Variants in PKHD1L1 observed in about 807,000 individuals in gnomAD.
The protein encoded by PKHD1L1 is fibrocystin-L.
A neutral mutation model predicts 462.9 loss-of-function variants in PKHD1L1; 434 were observed. The observed-to-expected ratio is 0.94, with a 90% CI of 0.87 to 1.02. The LOEUF is 1.02. Ranked by LOEUF, PKHD1L1 falls within the 50% of genes least tolerant of loss-of-function variation. The probability of loss-of-function intolerance (pLI) is 0.00; values close to 1 mark genes in which losing one functional copy is unlikely to be tolerated. For synonymous variants in PKHD1L1, 1,781 were observed against 1,750.0 expected (o/e 1.02, Z -0.44); for missense variants, 5,202 against 5,096.1 (o/e 1.02, Z -0.63).
At position 109,465,113 on chromosome 8, in the gene PKHD1L1, G is replaced by A. The variant is rs1817365951; in HGVS notation, c.8281G>A (p.Gly2761Arg). The change falls in exon 49 of 78, where the codon GGA becomes AGA. Residue 2761 changes from glycine to arginine, a missense_variant. Physicochemically the swap from Gly to Arg is moderately radical, Grantham distance 125. This residue lies in a region of PKHD1L1 where 4,497 missense variants were observed against 4,336.8 expected (regional missense o/e 1.04). Transcript: ENST00000378402. ...CVALGVTSIS[G>R]VCNDRCGGWS... ...AGCTTTGGGAGTGACATCCATCTCT[G>A]GAGTTTGTAATGACAGATGTGGGGG... The A allele has an allele frequency of 6.2e-7, 1 of 1,613,672 alleles. No individual in the cohort carries two copies. Among genetic ancestry groups the A allele is most frequent in the Admixed American group, 1.7e-5 (1 of 59,958 alleles).
chr8:109,487,838 A>G (rs1281138991), intron 59 of PKHD1L1, among the ~76,000 whole-genome samples: 2 of 148,970 alleles, frequency 1.3e-5, no homozygotes, highest in African/African-American at 5.0e-5. Flanking sequence ...CTATAGTGAG[A>G]CCCAGCCAAA....
At chr8:109,508,011 T>G (rs1490376322) in intron 69 of PKHD1L1, 86 bp from the exon 70 acceptor site, 1 of 1,489,220 alleles carries the variant, frequency 6.7e-7, no homozygotes, top group African/African-American at 1.4e-5. Context: ...CTTCTTAAAC[T>G]AGCATAACAA....
intron 9 of PKHD1L1, among the ~76,000 whole-genome samples, chr8:109,394,170 C>CA (rs146708536): frequency 0.054 from 3,447 of 63,652 alleles, 399 homozygotes; most frequent in African/African-American, 0.12. Flanking sequence ...GAGACTCTGT[C>CA]AAAAAAAAAA....
intron 9 of PKHD1L1, among the ~76,000 whole-genome samples, chr8:109,394,064 C>T (rs542126564): frequency 2.1e-4 from 31 of 150,718 alleles, no homozygotes; most frequent in Non-Finnish European, 3.1e-4. Flanking sequence ...GTCCCAGCTA[C>T]TCAGCAGGCT....
chr8:109,390,491 GA>G lies in PKHD1L1; in HGVS notation c.739del (p.Arg247GlyfsTer28). 6.9e-7 allele frequency: 1 copy of G among 1,443,174 alleles called. No homozygotes were observed. Among genetic ancestry groups the G allele is most frequent in the Non-Finnish European group, 9.4e-7 (1 of 1,069,290 alleles). 89.4% of individuals were successfully genotyped at this position (1,443,174 alleles called of 1,614,324 possible). A position where few individuals can be genotyped will look rare whatever the true frequency, so the allele number is the denominator to read the frequency against. On this transcript the variant is annotated frameshift_variant and splice_region_variant, in exon 9 of 78. Coordinates refer to ENST00000378402, the MANE Select transcript of PKHD1L1 (RefSeq NM_177531.6). LOFTEE classifies it high-confidence loss of function. The part of the protein sequence containing the change: ...NVSFILDNDY[G>X]RSFPQKMAYF... ...AGCTTCATCTTAGATAATGATTATGGAAGGTAGGCTATTTTGTAAATAATAA... is the reference window on the plus strand; with the variant it reads ...AGCTTCATCTTAGATAATGATTATGGAGGTAGGCTATTTTGTAAATAATAA...
intron 62 of PKHD1L1, 99 bp downstream of exon 62, chr8:109,492,093 T>G: frequency 1.0e-6 from 1 of 992,004 alleles, no homozygotes; most frequent in Admixed American, 3.5e-5. Flanking sequence ...AATGCACTTT[T>G]AAAAAGATGA....
Position 109,444,828 on chromosome 8 carries a change from G to A in PKHD1L1, c.4959G>A (p.Arg1653=). 6.2e-7 allele frequency: 1 copy of A among 1,613,942 alleles called. No individual in the cohort carries two copies. The highest frequency in any genetic ancestry group is 8.5e-7 in the Non-Finnish European group (1 of 1,179,878). Residue 1653 remains arginine, a synonymous_variant, in exon 38 of 78, where the codon AGG becomes AGA. Transcript: ENST00000378402. ...ATACGTTGTCCAATGAATTTGATAG[G>A]CGATTTGTACTTTTGCCAAACATTG... ...AINTLSNEFD[R]RFVLLPNIDL...
Position 109,476,578 on chromosome 8 carries a change from G to C in PKHD1L1, c.8828G>C (p.Arg2943Thr), listed in dbSNP as rs745388772. ...GACATGTTTAATATTATTGATATGA[G>C]GAATGGTTCCTCAAATCCATTGAAT... ...NPDMFNIIDM[R>T]NGSSNPLNWN... is the part of the protein sequence containing the mutation. The change falls in exon 52 of 78, where the codon AGG becomes ACG. Residue 2943 changes from arginine (R) to threonine (T), a missense_variant. By Grantham distance (71) the Arg-to-Thr change is moderately conservative. Coordinates refer to ENST00000378402, the MANE Select transcript of PKHD1L1 (RefSeq NM_177531.6). 6.4e-7 allele frequency: 1 copy of C among 1,570,048 alleles called. No homozygotes were observed. The highest frequency in any genetic ancestry group is 1.2e-5 in the South Asian group (1 of 86,612).
chr8:109,531,423 C>T lies in PKHD1L1; in HGVS notation c.*1333C>T, dbSNP rs1463630455. 6.6e-6 allele frequency among the ~76,000 whole-genome samples: 1 copy of T among 152,054 alleles called. No individual in the cohort carries two copies. The highest frequency in any genetic ancestry group is 1.5e-5 in the Non-Finnish European group (1 of 68,000). On this transcript the variant is annotated 3_prime_UTR_variant, in exon 78 of 78. Transcript: ENST00000378402. ...ACAGACCATTTCAATACAACATGAT[C>T]ACTGTCTCAGGGAGAGAGAGACAGA...
chr8:109,362,676 C>G, intron 1 of PKHD1L1, 23 bp downstream of exon 1: 3 of 1,576,162 alleles, frequency 1.9e-6, no homozygotes, highest in Non-Finnish European at 2.6e-6. Flanking sequence ...GCACGCTAGG[C>G]AGGCAAGCAG....
At chr8:109,497,413 C>A in intron 65 of PKHD1L1, 141 bp downstream of exon 65, 2 of 944,798 alleles carry the variant, frequency 2.1e-6, no homozygotes, top group Non-Finnish European at 3.0e-6. Context: ...CCACTGCCCT[C>A]TGCCTAAAAA....
intron 27 of PKHD1L1, among the ~76,000 whole-genome samples, chr8:109,431,996 T>TGGAAGAA (rs1382247569): frequency 1.3e-5 from 2 of 152,180 alleles, no homozygotes; most frequent in African/African-American, 4.8e-5. Flanking sequence ...TAATTTTAAC[T>TGGAAGAA]ATTCCGATGG....
In PKHD1L1 at chr8:109,389,083, G is replaced by C. The variant is rs202169457; in HGVS notation, c.628G>C (p.Gly210Arg). 258 of 1,597,476 alleles carry C rather than the reference G, an allele frequency of 1.6e-4. No individual in the cohort carries two copies. Among genetic ancestry groups the C allele is most frequent in the Non-Finnish European group, 2.2e-4 (254 of 1,168,668 alleles). Residue 210 changes from glycine to arginine, a missense_variant, in exon 8 of 78, where the codon GGT (glycine) becomes CGT (arginine). Gly to Arg is a moderately radical substitution (Grantham distance 125). Coordinates refer to ENST00000378402, the MANE Select transcript of PKHD1L1 (RefSeq NM_177531.6). ...LLIPQSDNLY[G>R]LKLDHPNGDM... is the part of the protein sequence containing the mutation. ...CATTAACTTTTTTTTAATTAGATAT[G>C]GTCTAAAACTGGATCATCCAAATGG...
intron 67 of PKHD1L1, among the ~76,000 whole-genome samples, chr8:109,500,673 C>CAAAAAAA (rs34827783): frequency 2.1e-5 from 1 of 47,196 alleles, no homozygotes; most frequent in African/African-American, 8.1e-5. Flanking sequence ...AACTCTGTCT[C>CAAAAAAA]AAAAAAAAAA....
intron 39 of PKHD1L1, among the ~76,000 whole-genome samples, 174 bp downstream of exon 39, chr8:109,448,565 G>A (rs1448592505): frequency 1.3e-5 from 2 of 150,574 alleles, no homozygotes; most frequent in African/African-American, 2.4e-5. Context: ...AGGCTGGAGT[G>A]CAGTGGCGCG....
chr8:109,522,670 G>A (rs1820608354), intron 74 of PKHD1L1, 74 bp from the exon 75 acceptor site: 1 of 1,387,396 alleles, frequency 7.2e-7, no homozygotes, highest in African/African-American at 1.5e-5. Flanking sequence ...TTTATACTCA[G>A]CCTGGCTAAA....
rs200239235 is a variant in PKHD1L1 at position 109,375,674 on chromosome 8, T to A, written c.164-5696T>A. Among the ~76,000 whole-genome samples, 3 of 152,010 alleles carry A rather than the reference T, an allele frequency of 2.0e-5. No individual in the cohort carries two copies. The East Asian group carries it at 5.8e-4, about 29-fold the overall frequency. ...TTGATGATGGTGACGTACAGATGGGTTTTTGGTGTGGATGTCCTTTCTGTT... is the reference window on the plus strand; with the variant it reads ...TTGATGATGGTGACGTACAGATGGGATTTTGGTGTGGATGTCCTTTCTGTT... On this transcript the variant is annotated intron_variant, in intron 2 of 77. Coordinates refer to ENST00000378402, the MANE Select transcript of PKHD1L1 (RefSeq NM_177531.6).
chr8:109,393,600 C>T (rs1450921067), intron 9 of PKHD1L1, among the ~76,000 whole-genome samples: 1 of 152,122 alleles, frequency 6.6e-6, no homozygotes, highest in African/African-American at 2.4e-5. Context: ...GTAATACACA[C>T]GTGAGGAGCC....
intron 47 of PKHD1L1, 36 bp from the exon 48 acceptor site, chr8:109,461,736 A>AT (rs111875443): frequency 0.31 from 479,967 of 1,564,138 alleles, 71,051 homozygotes; most frequent in Admixed American, 0.48. Flanking sequence ...GGATTCCGAC[A>AT]ATTTTTTTAA....
Sources: gnomAD v4.1 joint callset for allele counts (sites outside exome capture counted in the v4.1 genomes callset) on GRCh38, gnomAD v4.1.1 for gene constraint, gnomAD v4.1.1 regional missense constraint, MANE v1.5 for transcripts, NCBI Gene and HGNC (gene_info 2026-07-23, HGNC 2026-07-21) for gene names.